ALK: variants seen among roughly 807,000 people sequenced by gnomAD.
ALK encodes ALK tyrosine kinase receptor.
In ALK, 74 loss-of-function variants were observed where a neutral mutation model predicts 163.1. The ratio of observed to expected loss-of-function variants is 0.45; its 90% CI spans 0.38 to 0.55. The LOEUF (loss-of-function observed/expected upper bound fraction) is 0.55, where lower values mean the gene tolerates loss of function less well. Ranked by LOEUF, ALK falls within the 20% of genes least tolerant of loss-of-function variation. The pLI is 0.00. For synonymous variants in ALK, 960 were observed against 843.2 expected (o/e 1.14, Z -2.40); for missense variants, 2,063 against 2,105.3 (o/e 0.98, Z 0.39).
In ALK at chr2:29,232,340, A is replaced by G. The variant is rs1553396171; in HGVS notation, c.2596T>C (p.Ser866Pro). ...FHPERLENNS[S>P]VLGLNGNSGA... ...GAATTGCCGTTTAGCCCTAGAACCG[A>G]GGAGTTATTCTCCAGTCTCTCTGGG... The change falls in exon 15 of 29, where the codon TCG (serine) becomes CCG (proline). Residue 866 changes from serine to proline, a missense_variant. Physicochemically the swap from Ser to Pro is moderately conservative, Grantham distance 74. Around this residue, in one of 5 missense-constraint regions of ALK, gnomAD observed 575 missense variants for 626.6 expected, o/e 0.92. Coordinates refer to ENST00000389048, the MANE Select transcript of ALK (RefSeq NM_004304.5). The G allele has an allele frequency of 6.2e-7, 1 of 1,614,224 alleles. No individual in the cohort carries two copies. The highest frequency in any genetic ancestry group is 8.5e-7 in the Non-Finnish European group (1 of 1,180,038).
At chr2:29,694,327 C>G (rs1350755502) in intron 3 of ALK, among the ~76,000 whole-genome samples, 1 of 152,198 alleles carries the variant, frequency 6.6e-6, no homozygotes, top group Non-Finnish European at 1.5e-5. Flanking sequence ...GGCTTAGAAA[C>G]ATTTAAGCCA....
intron 5 of ALK, among the ~76,000 whole-genome samples, chr2:29,351,442 C>T (rs1207125683): frequency 6.6e-6 from 1 of 152,154 alleles, no homozygotes; most frequent in Non-Finnish European, 1.5e-5. Context: ...GCTCACTCCT[C>T]CTCCCTTCAT....
At chr2:29,692,471 C>T (rs1258892504) in intron 3 of ALK, among the ~76,000 whole-genome samples, 1 of 152,242 alleles carries the variant, frequency 6.6e-6, no homozygotes, top group East Asian at 1.9e-4. Flanking sequence ...AACTGTTCCA[C>T]CTCAGATCAT....
chr2:29,679,784 T>C (rs1165415578), intron 3 of ALK, among the ~76,000 whole-genome samples: 1 of 151,978 alleles, frequency 6.6e-6, no homozygotes, highest in Non-Finnish European at 1.5e-5. Flanking sequence ...CTATTTCTAG[T>C]ACTCTTCATT....
chr2:29,774,724 C>T (rs1030824591), intron 1 of ALK, among the ~76,000 whole-genome samples: 1 of 152,164 alleles, frequency 6.6e-6, no homozygotes, highest in African/African-American at 2.4e-5. Context: ...GAAATTCCTT[C>T]CAGTAGAATG....
intron 1 of ALK, among the ~76,000 whole-genome samples, chr2:29,851,444 C>T (rs1196514446): frequency 2.6e-5 from 4 of 152,186 alleles, no homozygotes; most frequent in Admixed American, 2.6e-4. Context: ...CTGAATCTCG[C>T]ATTCCCTTCC....
intron 5 of ALK, among the ~76,000 whole-genome samples, chr2:29,370,375 T>C (rs922545723): frequency 2.0e-5 from 3 of 152,174 alleles, no homozygotes; most frequent in South Asian, 2.1e-4. Flanking sequence ...CACACACGTG[T>C]GGTGTGTTTC....
At chr2:29,480,629 C>T (rs968006347) in intron 4 of ALK, among the ~76,000 whole-genome samples, 8 of 151,850 alleles carry the variant, frequency 5.3e-5, no homozygotes, top group Non-Finnish European at 1.2e-4. Flanking sequence ...GTCAATCTGC[C>T]CACTCACTTC....
chr2:29,281,479 T>C (rs1290764464), intron 9 of ALK, among the ~76,000 whole-genome samples: 8 of 152,326 alleles, frequency 5.3e-5, no homozygotes, highest in African/African-American at 1.2e-4. Flanking sequence ...GAGATTTTGC[T>C]CCTGACCCTT....
At chr2:29,802,124 T>C (rs1664482258) in intron 1 of ALK, among the ~76,000 whole-genome samples, 1 of 152,022 alleles carries the variant, frequency 6.6e-6, no homozygotes, top group African/African-American at 2.4e-5. Context: ...AGATTAAATA[T>C]ATTTGGCTCA....
At chr2:29,349,360 G>C (rs568883703) in intron 5 of ALK, among the ~76,000 whole-genome samples, 5 of 152,166 alleles carry the variant, frequency 3.3e-5, no homozygotes, top group Admixed American at 6.6e-5. Flanking sequence ...GCCTCATCAG[G>C]GGAAAGTCAT....
In ALK at chr2:29,197,644, G is replaced by C. The variant is rs758127441; in HGVS notation, c.3971C>G (p.Ser1324Cys). 2 of 1,614,014 alleles carry C rather than the reference G, an allele frequency of 1.2e-6. No individual in the cohort carries two copies. Among genetic ancestry groups the C allele is most frequent in the Non-Finnish European group, 1.7e-6 (2 of 1,180,010 alleles). ...SFGVLLWEIF[S>C]LGYMPYPSKS... ...GCTGGGGTATGGCATATATCCAAGA[G>C]AAAAGATTTCCCATAGCAGCACTCC... is the stretch of plus-strand genomic sequence containing the variant. The change falls in exon 27 of 29, where the codon TCT becomes TGT. Residue 1324 changes from serine (S) to cysteine (C), a missense_variant. Around this residue, in one of 5 missense-constraint regions of ALK, gnomAD observed 83 missense variants for 139.7 expected, o/e 0.59. Coordinates refer to ENST00000389048, the MANE Select transcript of ALK (RefSeq NM_004304.5).
intron 1 of ALK, among the ~76,000 whole-genome samples, chr2:29,861,632 G>T (rs1208984499): frequency 6.6e-6 from 1 of 152,166 alleles, no homozygotes; most frequent in African/African-American, 2.4e-5. Flanking sequence ...GATTGAATCA[G>T]TAATCAAAAA....
intron 4 of ALK, among the ~76,000 whole-genome samples, chr2:29,396,917 C>T (rs771415227): frequency 2.3e-5 from 3 of 128,572 alleles, no homozygotes; most frequent in African/African-American, 8.9e-5. Context: ...CAGGAATACA[C>T]CTCCCAGGTT....
intron 1 of ALK, among the ~76,000 whole-genome samples, chr2:29,904,837 C>T (rs1667497576): frequency 6.6e-6 from 1 of 152,134 alleles, no homozygotes; most frequent in Non-Finnish European, 1.5e-5. Context: ...AAACAAGAAA[C>T]CCACCTTTCT....
intron 2 of ALK, among the ~76,000 whole-genome samples, chr2:29,703,970 G>A (rs1678821726): frequency 1.3e-5 from 2 of 152,152 alleles, no homozygotes; most frequent in Non-Finnish European, 2.9e-5. Context: ...GACGGGAGCT[G>A]GTCAGACGTA....
At chr2:29,483,405 C>G (rs7588341) in intron 4 of ALK, among the ~76,000 whole-genome samples, 1 of 151,984 alleles carries the variant, frequency 6.6e-6, no homozygotes, top group African/African-American at 2.4e-5. Flanking sequence ...AGAACCACTC[C>G]TGCTATTCAA....
intron 4 of ALK, among the ~76,000 whole-genome samples, chr2:29,427,089 T>C (rs1053966037): frequency 1.8e-5 from 2 of 112,134 alleles, no homozygotes; most frequent in African/African-American, 6.6e-5. Context: ...AATAGGTATA[T>C]AATTGTATTG....
intron 3 of ALK, among the ~76,000 whole-genome samples, chr2:29,687,096 C>T (rs1194180776): frequency 6.6e-6 from 1 of 152,008 alleles, no homozygotes; most frequent in Non-Finnish European, 1.5e-5. Context: ...GATGAGAAAT[C>T]ATGCTCAAAT....
Sources: allele counts gnomAD v4.1 joint callset (sites outside exome capture counted in the v4.1 genomes callset), GRCh38; gene constraint gnomAD v4.1.1; regional missense constraint gnomAD v4.1.1; transcripts MANE v1.5; gene names NCBI Gene and HGNC (gene_info 2026-07-23, HGNC 2026-07-21).